CPNE7: variants seen among roughly 807,000 people sequenced by gnomAD.
CPNE7 encodes the protein copine-7.
Under a neutral mutation model 66.5 loss-of-function variants are expected in CPNE7, and 78 were observed. The observed-to-expected ratio is 1.17, with a 90% CI of 0.98 to 1.42. The LOEUF (loss-of-function observed/expected upper bound fraction) is 1.42. Among genes scored for constraint, CPNE7 ranks in the 40% most tolerant of loss-of-function variants. CPNE7 has a pLI of 0.00. For missense variants in CPNE7, 1,012 were observed against 776.6 expected, an observed-to-expected ratio of 1.30 and a Z score of -3.60; for synonymous variants, 468 against 336.7, an observed-to-expected ratio of 1.39 and a Z score of -4.27.
At chr16:89,587,022 G>C (rs768611740) in intron 8 of CPNE7, 21 bp from the exon 9 acceptor site, 2 of 1,570,242 alleles carry the variant, frequency 1.3e-6, no homozygotes, top group Non-Finnish European at 1.7e-6. Context: ...GGGGGTGGAC[G>C]CTGACTCCGC....
chr16:89,588,893 G>C (rs1418271542), intron 10 of CPNE7, 85 bp downstream of exon 10: 3 of 1,550,702 alleles, frequency 1.9e-6, no homozygotes, highest in South Asian at 1.2e-5. Flanking sequence ...TCACCCCCCT[G>C]GTCTCCAGGT....
chr16:89,587,664 C>T (rs1304253970), intron 9 of CPNE7: 2 of 428,376 alleles, frequency 4.7e-6, no homozygotes, highest in Non-Finnish European at 9.5e-6. Context: ...CCCCATGTCA[C>T]CCGCAGACCC....
In CPNE7 at chr16:89,587,023, C is replaced by T. The variant is rs765433965; in HGVS notation, c.868-20C>T. 14 of 1,571,332 alleles carry T rather than the reference C, an allele frequency of 8.9e-6. 1 individual carries two copies. In the South Asian group the frequency reaches 1.5e-4, roughly 17 times the overall value. On this transcript the variant is annotated intron_variant, in intron 8 of 14. Coordinates refer to ENST00000319518, the MANE Select transcript of CPNE7 (RefSeq NM_153636.3). ...TCAGTGTCCCTGGCGGGGGTGGACGCTGACTCCGCCGGCCGGAAGTTCCAC... is the reference window on the plus strand; with the variant it reads ...TCAGTGTCCCTGGCGGGGGTGGACGTTGACTCCGCCGGCCGGAAGTTCCAC...
At chr16:89,582,009 C>T (rs1343803395) in intron 2 of CPNE7, among the ~76,000 whole-genome samples, 1 of 152,214 alleles carries the variant, frequency 6.6e-6, no homozygotes, top group African/African-American at 2.4e-5. Flanking sequence ...ACATCCTATG[C>T]CTGTTCACAT....
At chr16:89,582,906 G>A (rs754302701) in intron 2 of CPNE7, among the ~76,000 whole-genome samples, 4 of 152,266 alleles carry the variant, frequency 2.6e-5, no homozygotes, top group Non-Finnish European at 4.4e-5. Context: ...CGGCCACCCC[G>A]CTTGGCCGGG....
intron 10 of CPNE7, among the ~76,000 whole-genome samples, chr16:89,589,609 C>A (rs1474702255): frequency 6.6e-6 from 1 of 152,186 alleles, no homozygotes; most frequent in Non-Finnish European, 1.5e-5. Flanking sequence ...CAGGACCCCT[C>A]CCGTGGTCTG....
rs767725210 is a variant in CPNE7, at chr16:89,595,392, C to T, written c.1328C>T (p.Thr443Met). ...CAATACTACATCCTGCTGATCCTGA[C>T]GGACGGCGTGGTGACCGACATGGCC... ...ASQYYILLIL[T>M]DGVVTDMADT... The change falls in exon 14 of 15, where the codon ACG (threonine) becomes ATG (methionine). Residue 443 changes from threonine to methionine, a missense_variant. Transcript: ENST00000319518. 6.3e-6 allele frequency: 10 copies of T among 1,587,888 alleles called. No homozygotes were observed. Among genetic ancestry groups the T allele is most frequent in the South Asian group, 1.1e-5 (1 of 87,830 alleles).
In CPNE7 at chr16:89,584,179, G is replaced by T. The variant is rs2058999947; in HGVS notation, c.507+77G>T. 1.2e-5 allele frequency: 17 copies of T among 1,446,566 alleles called. No individual in the cohort carries two copies. The highest frequency in any genetic ancestry group is 1.6e-5 in the Non-Finnish European group (17 of 1,053,998). The allele number at this position is 1,446,566 out of a possible 1,614,324, so 89.6% of individuals were successfully genotyped here. On this transcript the variant is annotated intron_variant, in intron 4 of 14. Coordinates refer to ENST00000319518, the MANE Select transcript of CPNE7 (RefSeq NM_153636.3). This position sits in a 1 kb window ranked among gnomAD's most constrained non-coding sequence, Gnocchi z 6.0. ...TTCGAAAACCCGGTCCCTGCCCAGC[G>T]CTGACCTCGCGTGGCTATGTCCCGT...
At position 89,577,541 on chromosome 16, in the gene CPNE7, G is replaced by A. The variant is rs1202875782; in HGVS notation, c.177G>A (p.Val59=). 6.4e-7 allele frequency: 1 copy of A among 1,551,378 alleles called. No homozygotes were observed. The highest frequency in any genetic ancestry group is 2.0e-5 in the Admixed American group (1 of 50,988). The part of the protein sequence containing the change: ...LQQAQGQWVQ[V]GRTEVVRSSL... ...TCGGCTCACAGGTGCACTTGCAGGT[G>A]GGCAGAACCGAGGTGGTCCGGAGCA... The change falls in exon 2 of 15, where the codon GTG becomes GTA. Residue 59 remains valine, a splice_region_variant and synonymous_variant. Transcript: ENST00000319518.
intron 9 of CPNE7, chr16:89,587,759 GCGTGTCACCCA>G (rs2059087773): frequency 1.2e-4 from 5 of 43,318 alleles, no homozygotes; most frequent in South Asian, 4.7e-4. Context: ...CGTGTCACCC[GCGTGTCACCCA>G]CAGAAACACG....
chr16:89,577,777 G>A (rs374056543), intron 2 of CPNE7, 56 bp downstream of exon 2: 47 of 1,519,500 alleles, frequency 3.1e-5, no homozygotes, highest in South Asian at 1.1e-4. Flanking sequence ...GGCCACAGCC[G>A]ATTCAAGGCT....
intron 14 of CPNE7, chr16:89,595,875 C>T: frequency 1.6e-6 from 1 of 612,762 alleles, no homozygotes; most frequent in Non-Finnish European, 3.1e-6. Context: ...ACGCGGCTTC[C>T]CCCGTTGCTG....
chr16:89,587,168 A>G (rs1287939017), intron 9 of CPNE7, 66 bp downstream of exon 9: 3 of 605,394 alleles, frequency 5.0e-6, no homozygotes, highest in East Asian at 4.1e-5. Flanking sequence ...CCGCCCCCTC[A>G]GTCCGTGGCC....
rs768857575 is a variant in CPNE7, at chr16:89,596,635, G to A, written c.*14G>A. Reference sequence around the variant, plus strand: ...TGCACACCGTGAAGATGTGGAGGGCGTAGGGTGGGGGCAGTGAGGAATGGG... The same window carrying A: ...TGCACACCGTGAAGATGTGGAGGGCATAGGGTGGGGGCAGTGAGGAATGGG... On this transcript the variant is annotated 3_prime_UTR_variant, in exon 15 of 15. Transcript: ENST00000319518. The A allele has an allele frequency of 4.4e-6, 7 of 1,585,950 alleles. No homozygotes were observed. Among genetic ancestry groups the A allele is most frequent in the Admixed American group, 3.5e-5 (2 of 56,468 alleles).
chr16:89,581,872 C>T (rs975948797), intron 2 of CPNE7, among the ~76,000 whole-genome samples: 1 of 152,174 alleles, frequency 6.6e-6, no homozygotes, highest in Non-Finnish European at 1.5e-5. Flanking sequence ...TCTTGAACTC[C>T]CGGGCTCACC....
rs752242126 is a variant in CPNE7 at position 89,596,645 on chromosome 16, G to T, written c.*24G>T. On this transcript the variant is annotated 3_prime_UTR_variant, in exon 15 of 15. Transcript: ENST00000319518. ...GAAGATGTGGAGGGCGTAGGGTGGG[G>T]GCAGTGAGGAATGGGTCCGTACAGC... 6.4e-6 allele frequency: 10 copies of T among 1,574,626 alleles called. No individual in the cohort carries two copies. The highest frequency in any genetic ancestry group is 7.7e-6 in the Non-Finnish European group (9 of 1,167,312).
At chr16:89,579,971 GTCACA>G (rs2058925137) in intron 2 of CPNE7, among the ~76,000 whole-genome samples, 1 of 43,644 alleles carries the variant, frequency 2.3e-5, no homozygotes. Flanking sequence ...CCCGTCACCC[GTCACA>G]CGGAACATCC....
In CPNE7 at chr16:89,584,033, C is replaced by T. The variant is rs373955797; in HGVS notation, c.438C>T (p.Ile146=). The T allele has an allele frequency of 1.2e-5, 19 of 1,611,968 alleles. No individual in the cohort carries two copies. The African/African-American group carries it at 1.9e-4, about 16-fold the overall frequency. Residue 146 remains isoleucine (I), a synonymous_variant, in exon 4 of 15, where the codon ATC becomes ATT. Coordinates refer to ENST00000319518, the MANE Select transcript of CPNE7 (RefSeq NM_153636.3). The surrounding 1 kb of genome is among the most constrained non-coding windows in gnomAD (Gnocchi z 6.0). ...RNAGKSTITV[I]AEDISGNNGY... ...CCCGGGCGTCCCCCTGCCAGGTGAT[C>T]GCCGAGGACATCTCGGGGAACAACG... is the stretch of plus-strand genomic sequence containing the variant.
intron 10 of CPNE7, 33 bp from the exon 11 acceptor site, chr16:89,589,864 G>C: frequency 6.2e-7 from 1 of 1,612,716 alleles, no homozygotes; most frequent in Non-Finnish European, 8.5e-7. Flanking sequence ...CAAGAGGTCA[G>C]GGCCTCCTGG....
Sources: gnomAD v4.1 joint callset for allele counts (sites outside exome capture counted in the v4.1 genomes callset) on GRCh38, gnomAD v4.1.1 for gene constraint, Gnocchi (gnomAD v3.1) non-coding constraint, MANE v1.5 for transcripts, NCBI Gene and HGNC (gene_info 2026-07-23, HGNC 2026-07-21) for gene names.